The following RRM2B variants were observed in gnomAD, a reference collection of about 807,000 sequenced individuals.
RRM2B encodes ribonucleoside-diphosphate reductase subunit M2 B.
In RRM2B, 20 loss-of-function variants were observed where a neutral mutation model predicts 45.9. That is an observed-to-expected ratio of 0.44 (90% CI 0.31 to 0.63). The LOEUF (loss-of-function observed/expected upper bound fraction) is 0.63. Among genes scored for constraint, RRM2B ranks in the 30% least tolerant of loss-of-function variants. RRM2B has a pLI of 0.09. For missense variants in RRM2B, 320 were observed against 414.7 expected (o/e 0.77, Z 1.98); for synonymous variants, 124 against 132.3 (o/e 0.94, Z 0.43).
At chr8:102,230,637 T>G (rs537089521) in intron 2 of RRM2B, among the ~76,000 whole-genome samples, 30 of 152,322 alleles carry the variant, frequency 2.0e-4, no homozygotes, top group Non-Finnish European at 3.5e-4. Context: ...ATATGTCAAC[T>G]ATAATATAAC....
At chr8:102,225,085 T>C (rs746641916) in intron 3 of RRM2B, 67 bp from the exon 4 acceptor site, 15 of 1,548,046 alleles carry the variant, frequency 9.7e-6, no homozygotes, top group African/African-American at 1.4e-5. Context: ...CAAATCAGAA[T>C]CTGGACATCA....
intron 2 of RRM2B, among the ~76,000 whole-genome samples, chr8:102,229,247 G>T (rs1421950179): frequency 2.0e-5 from 3 of 151,566 alleles, no homozygotes; most frequent in African/African-American, 4.9e-5. Context: ...GTGCAACTCT[G>T]TCTCAAAAAC....
chr8:102,227,475 T>C (rs957749805), intron 2 of RRM2B, among the ~76,000 whole-genome samples: 2 of 151,834 alleles, frequency 1.3e-5, no homozygotes, highest in African/African-American at 4.8e-5. Context: ...TAATTTTTTG[T>C]ATTTTTGGTA....
chr8:102,236,949 G>A (rs1007561553), intron 1 of RRM2B, among the ~76,000 whole-genome samples: 1 of 152,114 alleles, frequency 6.6e-6, no homozygotes, highest in African/African-American at 2.4e-5. Flanking sequence ...CTCCTATCCA[G>A]CCCCAATTCC....
At chr8:102,230,688 G>A (rs555403204) in intron 2 of RRM2B, among the ~76,000 whole-genome samples, 1 of 152,096 alleles carries the variant, frequency 6.6e-6, no homozygotes, top group African/African-American at 2.4e-5. Flanking sequence ...AACAAAGATG[G>A]GTAAGTGGGT....
chr8:102,220,141 A>G lies in RRM2B; in HGVS notation c.551-1194T>C, dbSNP rs1324797399. On this transcript the variant is annotated intron_variant, in intron 5 of 8. Transcript: ENST00000251810. ...GTAGTCACAGCTACCTGGGAGGTTG[A>G]TGTGGGAGGAATGCTTGAGCCCAGG... 3.9e-5 allele frequency among the ~76,000 whole-genome samples: 6 copies of G among 152,260 alleles called. No individual in the cohort carries two copies. The South Asian group carries it at 1.2e-3, about 32-fold the overall frequency.
At chr8:102,214,008 A>G (rs986718723) in intron 7 of RRM2B, 46 bp downstream of exon 7, 9 of 1,253,898 alleles carry the variant, frequency 7.2e-6, no homozygotes, top group Middle Eastern at 1.9e-4. Context: ...TGGTACAAAC[A>G]TCAGAGAAAG....
intron 3 of RRM2B, 149 bp downstream of exon 3, chr8:102,225,769 C>G (rs1810921486): frequency 1.5e-6 from 1 of 663,130 alleles, no homozygotes; most frequent in Non-Finnish European, 2.7e-6. Flanking sequence ...AAAGGATAAG[C>G]AATTCATCAG....
chr8:102,219,197 G>GACC (rs1178028762), intron 5 of RRM2B, among the ~76,000 whole-genome samples: 1 of 152,176 alleles, frequency 6.6e-6, no homozygotes, highest in Non-Finnish European at 1.5e-5. Context: ...GACAAAGAAG[G>GACC]ACCTTCCATA....
At chr8:102,212,048 T>C (rs1810644112) in intron 8 of RRM2B, among the ~76,000 whole-genome samples, 1 of 152,246 alleles carries the variant, frequency 6.6e-6, no homozygotes, top group Non-Finnish European at 1.5e-5. Context: ...AGTGAATTTC[T>C]GTGTTTCACT....
At chr8:102,238,696 C>A (rs756992346) in intron 1 of RRM2B, 131 bp downstream of exon 1, 6 of 1,556,190 alleles carry the variant, frequency 3.9e-6, no homozygotes, top group Non-Finnish European at 5.2e-6. Flanking sequence ...CGAAGCCAGG[C>A]TGCGGCGAGG....
At chr8:102,237,981 T>C (rs944404140) in intron 1 of RRM2B, among the ~76,000 whole-genome samples, 1 of 152,198 alleles carries the variant, frequency 6.6e-6, no homozygotes, top group Non-Finnish European at 1.5e-5. Context: ...GTTCCAGTAG[T>C]ACAAAAAGCA....
intron 2 of RRM2B, among the ~76,000 whole-genome samples, chr8:102,231,284 T>C (rs1403163118): frequency 1.3e-5 from 2 of 152,212 alleles, no homozygotes; most frequent in Non-Finnish European, 2.9e-5. Context: ...CTACAGCTGA[T>C]CTATTAGTGG....
chr8:102,232,606 A>G (rs1811052342), intron 1 of RRM2B, among the ~76,000 whole-genome samples: 1 of 152,242 alleles, frequency 6.6e-6, no homozygotes, highest in South Asian at 2.1e-4. Context: ...TAAGCACTCA[A>G]AAATTATTGT....
chr8:102,229,529 T>A (rs1373750426), intron 2 of RRM2B, among the ~76,000 whole-genome samples: 1 of 152,182 alleles, frequency 6.6e-6, no homozygotes, highest in Non-Finnish European at 1.5e-5. Context: ...TCTGTTCTAT[T>A]AAAAGCTCAA....
rs762398978 is a variant in RRM2B, at chr8:102,217,332, TTCTC to T, written c.684+1478_684+1481del. On this transcript the variant is annotated intron_variant, in intron 6 of 8. Transcript: ENST00000251810. ...TACTTCAACAAAACAGTAAATGTAG[TTCTC>T]TCTGTGTTGAGATTAATTTTTTATT... is the stretch of plus-strand genomic sequence containing the variant. Among the ~76,000 whole-genome samples the T allele has an allele frequency of 2.3e-3, 356 of 152,242 alleles. 1 individual carries two copies. Among genetic ancestry groups the T allele is most frequent in the Non-Finnish European group, 3.8e-3 (260 of 67,986 alleles).
chr8:102,218,025 A>C (rs1563662061), intron 6 of RRM2B, among the ~76,000 whole-genome samples: 1 of 152,178 alleles, frequency 6.6e-6, no homozygotes, highest in Non-Finnish European at 1.5e-5. Flanking sequence ...AAGGAACAAC[A>C]AATTTTTGGA....
intron 1 of RRM2B, 154 bp downstream of exon 1, chr8:102,238,673 G>A (rs1811171840): frequency 6.5e-7 from 1 of 1,541,636 alleles, no homozygotes; most frequent in East Asian, 2.4e-5. Flanking sequence ...GGCCTCCCCG[G>A]CGCTCGCAAC....
chr8:102,215,308 G>A (rs550031434), intron 6 of RRM2B, among the ~76,000 whole-genome samples: 1 of 152,046 alleles, frequency 6.6e-6, no homozygotes, highest in African/African-American at 2.4e-5. Context: ...TACTCAGGAG[G>A]CTGAAGCAGG....
Sources: allele counts gnomAD v4.1 joint callset (sites outside exome capture counted in the v4.1 genomes callset), GRCh38; gene constraint gnomAD v4.1.1; transcripts MANE v1.5; gene names NCBI Gene and HGNC (gene_info 2026-07-23, HGNC 2026-07-21).